Variants in DIAPH2 observed in about 807,000 individuals in gnomAD.
DIAPH2 encodes protein diaphanous homolog 2.
In DIAPH2, 35 loss-of-function variants were observed where a neutral mutation model predicts 92.7. The ratio of observed to expected loss-of-function variants is 0.38; its 90% CI spans 0.29 to 0.50. DIAPH2 has a LOEUF of 0.50. DIAPH2 is among the 20% of genes least tolerant of loss of function. The probability of loss-of-function intolerance (pLI) is 0.94; values close to 1 mark genes in which losing one functional copy is unlikely to be tolerated. For synonymous variants in DIAPH2, 301 were observed against 280.4 expected (o/e 1.07, Z -0.73); for missense variants, 701 against 819.5 (o/e 0.86, Z 1.77).
intron 5 of DIAPH2, among the ~76,000 whole-genome samples, chrX:96,902,439 ATTG>A (rs1352008985): frequency 2.7e-5 from 3 of 111,257 alleles, no homozygotes; most frequent in Non-Finnish European, 5.7e-5. Context: ...TCTAGTAGTA[ATTG>A]TTTTATAAAT....
intron 23 of DIAPH2, among the ~76,000 whole-genome samples, chrX:97,289,323 A>G (rs766068921): frequency 2.7e-5 from 3 of 112,228 alleles, no homozygotes; most frequent in Non-Finnish European, 5.6e-5. Context: ...AATACAAAAC[A>G]TGCTGTAATG....
chrX:97,489,354 T>C (rs1368447721), intron 26 of DIAPH2, among the ~76,000 whole-genome samples: 1 of 111,679 alleles, frequency 9.0e-6, no homozygotes, highest in Non-Finnish European at 1.9e-5. Context: ...GTTTTCTCTA[T>C]GTAAGATCAC....
chrX:97,005,207 G>T (rs2066171887), intron 17 of DIAPH2, among the ~76,000 whole-genome samples: 1 of 111,319 alleles, frequency 9.0e-6, no homozygotes, highest in Non-Finnish European at 1.9e-5. Flanking sequence ...CTGTTATTTT[G>T]CTGAGGATTT....
chrX:97,073,749 G>A (rs915398594), intron 18 of DIAPH2, among the ~76,000 whole-genome samples: 1 of 112,118 alleles, frequency 8.9e-6, no homozygotes, highest in Non-Finnish European at 1.9e-5. Context: ...AATACCATGG[G>A]AGCTTATTTT....
chrX:96,968,338 A>G (rs1394758274), intron 17 of DIAPH2, among the ~76,000 whole-genome samples: 1 of 109,076 alleles, frequency 9.2e-6, no homozygotes, highest in East Asian at 2.9e-4. Flanking sequence ...CCTGCCTCAG[A>G]CTCCCCAGTA....
intron 4 of DIAPH2, among the ~76,000 whole-genome samples, chrX:96,784,236 A>G (rs2064439045): frequency 8.9e-6 from 1 of 112,296 alleles, no homozygotes; most frequent in Non-Finnish European, 1.9e-5. Flanking sequence ...GCTAAAAATA[A>G]TACAGTAACA....
At chrX:97,509,405 A>C (rs1003781654) in intron 26 of DIAPH2, among the ~76,000 whole-genome samples, 29 of 107,033 alleles carry the variant, frequency 2.7e-4, no homozygotes, top group Non-Finnish European at 5.4e-4. Flanking sequence ...TAGGAAATAA[A>C]GACCCAAAGA....
intron 5 of DIAPH2, among the ~76,000 whole-genome samples, chrX:96,897,261 G>C (rs1415426766): frequency 9.0e-6 from 1 of 111,334 alleles, no homozygotes; most frequent in African/African-American, 3.3e-5. Context: ...TGAGATTTTA[G>C]TGCAGACATC....
At position 97,602,446 on chromosome X, in the gene DIAPH2, A is replaced by G. The variant is rs1023858686; in HGVS notation, c.*3129A>G. 8.9e-6 allele frequency: 1 copy of G among 112,646 alleles called. No homozygotes were observed. Among genetic ancestry groups the G allele is most frequent in the East Asian group, 2.8e-4 (1 of 3,595 alleles). The allele number at this position is 112,646 out of a possible 1,213,427, so 9.3% of individuals were successfully genotyped here. On this transcript the variant is annotated 3_prime_UTR_variant, in exon 27 of 27. Transcript: ENST00000324765. ...AAAGTTAATCTGCTTTCAAATTACA[A>G]TGGTGGGAACAGGCATAGGATAACA...
At chrX:96,931,822 A>T (rs932324397) in intron 10 of DIAPH2, among the ~76,000 whole-genome samples, 8 of 111,135 alleles carry the variant, frequency 7.2e-5, no homozygotes, top group African/African-American at 2.0e-4. Flanking sequence ...TGGACCTGTT[A>T]AATCCATTTT....
At chrX:97,480,644 T>C (rs1217319830) in intron 26 of DIAPH2, among the ~76,000 whole-genome samples, 1 of 111,044 alleles carries the variant, frequency 9.0e-6, no homozygotes, top group Non-Finnish European at 1.9e-5. Context: ...AACATTAAGA[T>C]CTTTGGAGCA....
At chrX:96,778,609 C>G (rs928634072) in intron 4 of DIAPH2, among the ~76,000 whole-genome samples, 5 of 110,936 alleles carry the variant, frequency 4.5e-5, no homozygotes, top group African/African-American at 1.6e-4. Flanking sequence ...TCCAACTATC[C>G]CAATAATGCC....
At chrX:97,093,370 C>T (rs2066841509) in intron 19 of DIAPH2, among the ~76,000 whole-genome samples, 1 of 111,267 alleles carries the variant, frequency 9.0e-6, no homozygotes, top group Non-Finnish European at 1.9e-5. Flanking sequence ...ATTTAATTTG[C>T]AGCTTGGCTT....
intron 26 of DIAPH2, among the ~76,000 whole-genome samples, chrX:97,585,718 G>A (rs2147882993): frequency 9.0e-6 from 1 of 111,385 alleles, no homozygotes; most frequent in East Asian, 2.8e-4. Flanking sequence ...AAATCCAAGT[G>A]TAAGTTATAT....
chrX:96,812,102 C>T (rs1022247488), intron 4 of DIAPH2, among the ~76,000 whole-genome samples: 6 of 111,763 alleles, frequency 5.4e-5, no homozygotes, highest in African/African-American at 1.3e-4. Flanking sequence ...ATGGTACCAG[C>T]TCCTCCTTGT....
At chrX:97,340,663 T>G (rs956618893) in intron 23 of DIAPH2, among the ~76,000 whole-genome samples, 1 of 105,984 alleles carries the variant, frequency 9.4e-6, no homozygotes, top group Non-Finnish European at 1.9e-5. Flanking sequence ...TTTTTGTTTT[T>G]TTTTTTTTTT....
At chrX:97,095,098 CTTTTTTTTTTTTTTTTTTTTTTTTT>C (rs61350837) in intron 19 of DIAPH2, among the ~76,000 whole-genome samples, 3 of 22,406 alleles carry the variant, frequency 1.3e-4, no homozygotes, top group South Asian at 4.5e-3. Context: ...GTTTCTTTTT[CTTTTTTTTTTTTTTTTTTTTTTTTT>C]TTTTTTTTTT....
chrX:96,952,374 TA>T (rs1216016082), intron 15 of DIAPH2, among the ~76,000 whole-genome samples: 1 of 112,183 alleles, frequency 8.9e-6, no homozygotes, highest in African/African-American at 3.2e-5. Flanking sequence ...GTGTTAGTTT[TA>T]ATATTTTTGT....
intron 25 of DIAPH2, among the ~76,000 whole-genome samples, chrX:97,411,436 C>T (rs2069872185): frequency 8.9e-6 from 1 of 111,903 alleles, no homozygotes; most frequent in African/African-American, 3.2e-5. Context: ...TGGTACCAGC[C>T]ACTGCAAAAA....
Sources: gnomAD v4.1 joint callset for allele counts (sites outside exome capture counted in the v4.1 genomes callset) on GRCh38, gnomAD v4.1.1 for gene constraint, MANE v1.5 for transcripts, NCBI Gene and HGNC (gene_info 2026-07-23, HGNC 2026-07-21) for gene names.